PTGFR: variants seen among roughly 807,000 people sequenced by gnomAD.
The protein encoded by PTGFR is prostaglandin F receptor.
PTGFR carries 15 observed loss-of-function variants against 26.2 expected under a neutral mutation model. That is an observed-to-expected ratio of 0.57 (90% CI 0.38 to 0.88). PTGFR has a LOEUF of 0.88. Ranked by LOEUF, PTGFR falls within the 40% of genes least tolerant of loss-of-function variation. The pLI is 0.00. For missense variants in PTGFR, 369 were observed against 427.2 expected, an observed-to-expected ratio of 0.86 and a Z score of 1.20; for synonymous variants, 165 against 151.1, an observed-to-expected ratio of 1.09 and a Z score of -0.68.
intron 2 of PTGFR, among the ~76,000 whole-genome samples, chr1:78,513,071 T>C (rs1241523402): frequency 6.6e-6 from 1 of 152,228 alleles, no homozygotes; most frequent in Non-Finnish European, 1.5e-5. Context: ...GGCTCAGCTA[T>C]TTTTTATAGC....
chr1:78,535,135 C>T (rs1053855610), intron 2 of PTGFR, among the ~76,000 whole-genome samples: 1 of 152,110 alleles, frequency 6.6e-6, no homozygotes, highest in Non-Finnish European at 1.5e-5. Flanking sequence ...GGTGACCACA[C>T]TGCTGTTTGT....
rs1242317783 is a variant in PTGFR, at chr1:78,492,773, G to A, written c.30G>A (p.Val10=). The A allele has an allele frequency of 5.0e-6, 8 of 1,613,950 alleles. No homozygotes were observed. The highest frequency in any genetic ancestry group is 6.8e-6 in the Non-Finnish European group (8 of 1,179,920). The part of the protein sequence containing the change: MSMNNSKQL[V]SPAAALLSNT... ...CCATGAACAATTCCAAACAGCTAGT[G>A]TCTCCTGCAGCTGCGCTTCTTTCAA... Residue 10 remains valine, a synonymous_variant, in exon 2 of 3, where the codon GTG becomes GTA. Transcript: ENST00000370757.
rs1238715833 is a variant in PTGFR at position 78,538,227 on chromosome 1, T to A, written c.*1540T>A. On this transcript the variant is annotated 3_prime_UTR_variant, in exon 3 of 3. Transcript: ENST00000370757. ...TATCATGCTGGGTACAATGCTTCTA[T>A]GAATATTTCCATGTATTTTGACTGG... is the stretch of plus-strand genomic sequence containing the variant. 1 of 152,126 alleles carries A rather than the reference T, an allele frequency of 6.6e-6. No homozygotes were observed. The highest frequency in any genetic ancestry group is 2.1e-4 in the South Asian group (1 of 4,834). The allele number at this position is 152,126 out of a possible 1,614,324, so 9.4% of individuals were successfully genotyped here.
rs1650678395 is a variant in PTGFR at position 78,537,178 on chromosome 1, A to C, written c.*491A>C. Reference sequence around the variant, plus strand: ...AGCCTCAATTAACACATGCATGGTCATGACACCCAGAATTCATGATGGTTT... The same window carrying C: ...AGCCTCAATTAACACATGCATGGTCCTGACACCCAGAATTCATGATGGTTT... On this transcript the variant is annotated 3_prime_UTR_variant, in exon 3 of 3. Coordinates refer to ENST00000370757, the MANE Select transcript of PTGFR (RefSeq NM_000959.4). The C allele has an allele frequency of 6.5e-6, 1 of 152,996 alleles. No individual in the cohort carries two copies. Among genetic ancestry groups the C allele is most frequent in the Admixed American group, 6.5e-5 (1 of 15,324 alleles). 9.5% of individuals were successfully genotyped at this position (152,996 alleles called of 1,614,324 possible).
At chr1:78,534,560 G>A (rs187851775) in intron 2 of PTGFR, among the ~76,000 whole-genome samples, 1 of 152,098 alleles carries the variant, frequency 6.6e-6, no homozygotes, top group African/African-American at 2.4e-5. Context: ...ATGCATGATC[G>A]ATCTAAAAAA....
chr1:78,510,177 G>A (rs1055387688), intron 2 of PTGFR, among the ~76,000 whole-genome samples: 7 of 152,192 alleles, frequency 4.6e-5, no homozygotes, highest in African/African-American at 1.7e-4. Context: ...CCTCTAGAAG[G>A]CCACAACTCT....
intron 2 of PTGFR, among the ~76,000 whole-genome samples, chr1:78,495,226 G>C (rs752553211): frequency 2.0e-5 from 3 of 152,188 alleles, no homozygotes; most frequent in Non-Finnish European, 4.4e-5. Context: ...GAGGCCTTGG[G>C]TGAACCCAGT....
intron 2 of PTGFR, among the ~76,000 whole-genome samples, chr1:78,498,786 C>T (rs1420124130): frequency 6.6e-6 from 1 of 152,112 alleles, no homozygotes; most frequent in Non-Finnish European, 1.5e-5. Context: ...TTCAGGTTTA[C>T]TCTTGGATTT....
chr1:78,504,563 T>C (rs897276901), intron 2 of PTGFR, among the ~76,000 whole-genome samples: 9 of 152,196 alleles, frequency 5.9e-5, no homozygotes, highest in African/African-American at 2.2e-4. Flanking sequence ...TATTTGAGTT[T>C]ACAAAAGTAG....
rs1296144424 is a variant in PTGFR at position 78,491,669 on chromosome 1, CG to C, written c.-73+440del. ...AATGTTGCGAGGCCAGGCCGAAGGG[CG>C]GGGGGGATAGTAACGGGCGAAAGTC... is the stretch of plus-strand genomic sequence containing the variant. On this transcript the variant is annotated intron_variant, in intron 1 of 2. Coordinates refer to ENST00000370757, the MANE Select transcript of PTGFR (RefSeq NM_000959.4). Among the ~76,000 whole-genome samples the C allele has an allele frequency of 2.6e-5, 4 of 152,184 alleles. No homozygotes were observed. In the East Asian group the frequency reaches 5.8e-4, roughly 22 times the overall value.
chr1:78,497,658 T>C (rs576861677), intron 2 of PTGFR, among the ~76,000 whole-genome samples: 7 of 152,328 alleles, frequency 4.6e-5, no homozygotes, highest in African/African-American at 1.7e-4. Flanking sequence ...ACTTGTTGAC[T>C]GGTTGACTGT....
intron 2 of PTGFR, among the ~76,000 whole-genome samples, chr1:78,514,185 ACT>A (rs1650039311): frequency 6.6e-6 from 1 of 152,214 alleles, no homozygotes; most frequent in Non-Finnish European, 1.5e-5. Context: ...TGGTACAGCC[ACT>A]GTTTGCTTGC....
intron 2 of PTGFR, among the ~76,000 whole-genome samples, chr1:78,528,435 A>AT (rs778351642): frequency 4.6e-5 from 7 of 151,688 alleles, no homozygotes; most frequent in Non-Finnish European, 1.0e-4. Context: ...GGAAGGGCTG[A>AT]TTTTTTGTCC....
At position 78,507,348 on chromosome 1, in the gene PTGFR, G is replaced by A. The variant is rs540092110; in HGVS notation, c.798+13807G>A. On this transcript the variant is annotated intron_variant, in intron 2 of 2. Transcript: ENST00000370757. ...TCCAGTGTCTTCAGGTAGTGTGTTT[G>A]TTTTTGTTTTTGGCACAGAGTTTAT... Among the ~76,000 whole-genome samples the A allele has an allele frequency of 6.6e-5, 10 of 152,234 alleles. No individual in the cohort carries two copies. The East Asian group carries it at 9.7e-4, about 15-fold the overall frequency.
At chr1:78,496,953 G>A (rs532343588) in intron 2 of PTGFR, among the ~76,000 whole-genome samples, 25 of 133,806 alleles carry the variant, frequency 1.9e-4, no homozygotes, top group East Asian at 1.2e-3. Context: ...TAGAATCGAT[G>A]AGCTGACATT....
In PTGFR at chr1:78,540,377, T is replaced by A. The variant is rs1056316156; in HGVS notation, c.*3690T>A. Among the ~76,000 whole-genome samples, 2 of 152,100 alleles carry A rather than the reference T, an allele frequency of 1.3e-5. No individual in the cohort carries two copies. The highest frequency in any genetic ancestry group is 2.9e-5 in the Non-Finnish European group (2 of 68,020). On this transcript the variant is annotated 3_prime_UTR_variant, in exon 3 of 3. Coordinates refer to ENST00000370757, the MANE Select transcript of PTGFR (RefSeq NM_000959.4). ...TGATTTCCACATTAGGTAAAAAAAA[T>A]TTTCATTCTTGTCTTCCTAATAGCA...
At chr1:78,524,691 C>T (rs190772173) in intron 2 of PTGFR, among the ~76,000 whole-genome samples, 112 of 152,078 alleles carry the variant, frequency 7.4e-4, no homozygotes, top group Non-Finnish European at 9.7e-4. Flanking sequence ...GTCCCAGCTA[C>T]GATACTAAAT....
At chr1:78,513,070 A>AT (rs1298198283) in intron 2 of PTGFR, among the ~76,000 whole-genome samples, 2 of 152,174 alleles carry the variant, frequency 1.3e-5, no homozygotes, top group Non-Finnish European at 2.9e-5. Flanking sequence ...AGGCTCAGCT[A>AT]TTTTTTATAG....
intron 2 of PTGFR, among the ~76,000 whole-genome samples, chr1:78,510,543 A>T (rs1029224379): frequency 1.3e-5 from 2 of 152,212 alleles, no homozygotes; most frequent in Non-Finnish European, 2.9e-5. Flanking sequence ...ACCCACTCCC[A>T]GGATGAATTC....
Sources: allele counts gnomAD v4.1 joint callset (sites outside exome capture counted in the v4.1 genomes callset), GRCh38; gene constraint gnomAD v4.1.1; transcripts MANE v1.5; gene names NCBI Gene and HGNC (gene_info 2026-07-23, HGNC 2026-07-21).